Variants in SMG6 observed in about 807,000 individuals in gnomAD.
The protein encoded by SMG6 is telomerase-binding protein EST1A.
A neutral mutation model predicts 142.2 loss-of-function variants in SMG6; 66 were observed. The observed-to-expected ratio is 0.46, with a 90% CI of 0.38 to 0.57. SMG6 has a LOEUF of 0.57. SMG6 is among the 20% of genes least tolerant of loss of function. The probability of loss-of-function intolerance (pLI) is 0.00; values close to 1 mark genes in which losing one functional copy is unlikely to be tolerated. For synonymous variants in SMG6, 779 were observed against 702.4 expected (o/e 1.11, Z -1.72); for missense variants, 1,793 against 1,832.0 (o/e 0.98, Z 0.39).
At chr17:2,274,959 A>G (rs918312413) in intron 8 of SMG6, among the ~76,000 whole-genome samples, 2 of 151,582 alleles carry the variant, frequency 1.3e-5, no homozygotes. Context: ...TTATCTCCAC[A>G]TATTTAGCAA....
intron 10 of SMG6, among the ~76,000 whole-genome samples, chr17:2,196,058 A>T (rs1214199615): frequency 6.6e-6 from 1 of 152,208 alleles, no homozygotes; most frequent in East Asian, 1.9e-4. Flanking sequence ...AAAGAAAATG[A>T]AATATTCAGG....
At chr17:2,150,758 T>C (rs2070802234) in intron 13 of SMG6, among the ~76,000 whole-genome samples, 1 of 152,202 alleles carries the variant, frequency 6.6e-6, no homozygotes, top group African/African-American at 2.4e-5. Flanking sequence ...GGTAATAAGA[T>C]ATGTTTTTAA....
chr17:2,129,230 G>C (rs920855376), intron 13 of SMG6, among the ~76,000 whole-genome samples: 2 of 152,104 alleles, frequency 1.3e-5, no homozygotes, highest in African/African-American at 4.8e-5. Flanking sequence ...GGAGGGTGAG[G>C]TGGGAGGGGC....
At chr17:2,140,251 T>C (rs1396791064) in intron 13 of SMG6, among the ~76,000 whole-genome samples, 1 of 152,090 alleles carries the variant, frequency 6.6e-6, no homozygotes, top group Non-Finnish European at 1.5e-5. Context: ...TTAGTAGAGA[T>C]GGGGTTTTGC....
chr17:2,186,802 C>A lies in SMG6; in HGVS notation c.3016G>T (p.Asp1006Tyr), dbSNP rs765099579. 3.1e-6 allele frequency: 5 copies of A among 1,614,162 alleles called. No homozygotes were observed. The highest frequency in any genetic ancestry group is 2.2e-5 in the South Asian group (2 of 91,054). Reference protein sequence around the residue: ...AQLSSPEDQDDQDDIKVSSFV... With the variant: ...AQLSSPEDQDYQDDIKVSSFV... ...GAAGACACCTTGATGTCGTCTTGGT[C>A]ATCCTGGTCCTCAGGAGAGGACAGC... Residue 1006 changes from aspartate (D) to tyrosine (Y), a missense_variant, in exon 12 of 19, where the codon GAC becomes TAC. Asp to Tyr is a radical substitution (Grantham distance 160). This residue lies in a region of SMG6 where 1,597 missense variants were observed against 1,584.6 expected (regional missense o/e 1.01). Transcript: ENST00000263073.
intron 8 of SMG6, among the ~76,000 whole-genome samples, chr17:2,246,913 TCCAG>T (rs1166868873): frequency 1.3e-5 from 2 of 152,036 alleles, no homozygotes; most frequent in Non-Finnish European, 2.9e-5. Context: ...ACCATTGCAC[TCCAG>T]CCTGGACAAC....
At chr17:2,081,466 G>A (rs1283566236) in intron 15 of SMG6, among the ~76,000 whole-genome samples, 2 of 152,146 alleles carry the variant, frequency 1.3e-5, no homozygotes, top group Non-Finnish European at 2.9e-5. Flanking sequence ...AGCCTCTCCA[G>A]GGATATCTGG....
intron 7 of SMG6, among the ~76,000 whole-genome samples, chr17:2,283,121 G>T (rs929414922): frequency 6.6e-6 from 1 of 152,230 alleles, no homozygotes; most frequent in Admixed American, 6.5e-5. Context: ...AGTGAGCCAA[G>T]ATCGCATCAC....
Position 2,148,192 on chromosome 17 carries a change from A to AAAAAT in SMG6, c.3357+24461_3357+24465dup, listed in dbSNP as rs563889902. Reference sequence around the variant, plus strand: ...GGCGACAGAGTGAGACCCCATCTCAAAAAATAAAATAAAATAAAATAAAAT... The same window carrying AAAAAT: ...GGCGACAGAGTGAGACCCCATCTCAAAAAATAAAATAAAATAAAATAAAATAAAAT... On this transcript the variant is annotated intron_variant, in intron 13 of 18. Transcript: ENST00000263073. Among the ~76,000 whole-genome samples, 729 of 152,236 alleles carry AAAAAT rather than the reference A, an allele frequency of 4.8e-3. 5 individuals carry two copies. The highest frequency in any genetic ancestry group is 0.016 in the African/African-American group (676 of 41,524).
intron 13 of SMG6, among the ~76,000 whole-genome samples, chr17:2,126,425 C>T (rs60340331): frequency 0.035 from 5,389 of 151,928 alleles, 305 homozygotes; most frequent in African/African-American, 0.12. Context: ...GCATAGGAAA[C>T]AAAAGAAAAA....
At chr17:2,096,501 G>A (rs1004494466) in intron 13 of SMG6, among the ~76,000 whole-genome samples, 3 of 152,056 alleles carry the variant, frequency 2.0e-5, no homozygotes, top group African/African-American at 4.8e-5. Flanking sequence ...GAGCCACTGC[G>A]CCTGGCTAAT....
At chr17:2,293,564 A>G (rs1277960941) in intron 4 of SMG6, among the ~76,000 whole-genome samples, 2 of 151,934 alleles carry the variant, frequency 1.3e-5, no homozygotes, top group Non-Finnish European at 2.9e-5. Flanking sequence ...CCACCTCCTG[A>G]GCTCAAGTGA....
intron 13 of SMG6, among the ~76,000 whole-genome samples, chr17:2,132,449 G>A (rs538711612): frequency 6.6e-6 from 1 of 152,306 alleles, no homozygotes; most frequent in South Asian, 2.1e-4. Context: ...TCACTGAGTT[G>A]TCTATGGGGA....
Position 2,299,015 on chromosome 17 carries a change from C to G in SMG6, c.1738G>C (p.Glu580Gln). 1 of 1,614,170 alleles carries G rather than the reference C, an allele frequency of 6.2e-7. No homozygotes were observed. Among genetic ancestry groups the G allele is most frequent in the Non-Finnish European group, 8.5e-7 (1 of 1,180,046 alleles). Residue 580 changes from glutamate to glutamine, a missense_variant, in exon 2 of 19, where the codon GAG (glutamate) becomes CAG (glutamine). Physicochemically the swap from Glu to Gln is conservative, Grantham distance 29 (BLOSUM62 2). Around this residue, in one of 3 missense-constraint regions of SMG6, gnomAD observed 1,597 missense variants for 1,584.6 expected, o/e 1.01. Coordinates refer to ENST00000263073, the MANE Select transcript of SMG6 (RefSeq NM_017575.5). The surrounding 1 kb of genome is among the most constrained non-coding windows in gnomAD (Gnocchi z 4.3). ...GCCACCCGGAGAAGCCTGTGCAGCT[C>G]CTGTTGCTGCAGGTTCCTCATGTGC... Reference protein sequence around the residue: ...EQHMRNLQQQELHRLLRVADN... With the variant: ...EQHMRNLQQQQLHRLLRVADN...
Position 2,152,650 on chromosome 17 carries a change from T to C in SMG6, c.3357+20008A>G, listed in dbSNP as rs116544237. 1.7e-3 allele frequency among the ~76,000 whole-genome samples: 266 copies of C among 152,252 alleles called. 2 individuals carry two copies. The highest frequency in any genetic ancestry group is 6.1e-3 in the African/African-American group (252 of 41,554). On this transcript the variant is annotated intron_variant, in intron 13 of 18. Coordinates refer to ENST00000263073, the MANE Select transcript of SMG6 (RefSeq NM_017575.5). Reference sequence around the variant, plus strand: ...ATGCGAATTAAAATCACAAGGTACCTAGTATAATTATTAAAAAACAAACAA... The same window carrying C: ...ATGCGAATTAAAATCACAAGGTACCCAGTATAATTATTAAAAAACAAACAA...
intron 9 of SMG6, chr17:2,236,898 T>C (rs2073676214): frequency 1.9e-6 from 2 of 1,068,102 alleles, no homozygotes; most frequent in Non-Finnish European, 2.3e-6. Context: ...TATGAGTTAT[T>C]ATGCTTTGGT....
intron 13 of SMG6, among the ~76,000 whole-genome samples, chr17:2,145,540 C>G (rs1206719273): frequency 6.8e-6 from 1 of 147,028 alleles, no homozygotes; most frequent in African/African-American, 2.5e-5. Context: ...GTAGGGTGGG[C>G]GCAGTGGCTC....
intron 10 of SMG6, among the ~76,000 whole-genome samples, chr17:2,208,084 G>A (rs916302545): frequency 3.9e-5 from 6 of 152,060 alleles, no homozygotes; most frequent in Non-Finnish European, 7.4e-5. Context: ...AGCAATGTTC[G>A]TGCCACCGCA....
At chr17:2,112,535 AT>A (rs200811942) in intron 13 of SMG6, among the ~76,000 whole-genome samples, 50 of 137,096 alleles carry the variant, frequency 3.6e-4, no homozygotes, top group African/African-American at 1.2e-3. Flanking sequence ...AAATAAATAA[AT>A]AAATAAATAA....
Sources: gnomAD v4.1 joint callset for allele counts (sites outside exome capture counted in the v4.1 genomes callset) on GRCh38, gnomAD v4.1.1 for gene constraint, gnomAD v4.1.1 regional missense constraint, Gnocchi (gnomAD v3.1) non-coding constraint, MANE v1.5 for transcripts, NCBI Gene and HGNC (gene_info 2026-07-23, HGNC 2026-07-21) for gene names.